The following IQCB1 variants were observed in gnomAD, a reference collection of about 807,000 sequenced individuals.
The protein encoded by IQCB1 is IQ motif containing B1.
IQCB1 carries 56 observed loss-of-function variants against 84.4 expected under a neutral mutation model. That is an observed-to-expected ratio of 0.66 (90% confidence interval 0.54 to 0.83). IQCB1 has a LOEUF of 0.83. Among genes scored for constraint, IQCB1 ranks in the 40% least tolerant of loss-of-function variants. The pLI, the probability that IQCB1 is intolerant of heterozygous loss-of-function variation, is 0.00. For missense variants in IQCB1, 629 were observed against 682.1 expected (o/e 0.92, Z 0.87); for synonymous variants, 210 against 234.8 (o/e 0.89, Z 0.96).
rs758519096 is a variant in IQCB1, at chr3:121,781,881, G to GA, written c.1279-8dup. On this transcript the variant is annotated splice_polypyrimidine_tract_variant and splice_region_variant and intron_variant, in intron 12 of 14. Transcript: ENST00000310864. Reference sequence around the variant, plus strand: ...TCGCTAGGAATTTAAGCGCCTGGAAGAAAAAAAATTGAAGGTTTGTGATTT... The same window carrying GA: ...TCGCTAGGAATTTAAGCGCCTGGAAGAAAAAAAAATTGAAGGTTTGTGATTT... 1.9e-6 allele frequency: 3 copies of GA among 1,609,546 alleles called. No homozygotes were observed. The highest frequency in any genetic ancestry group is 4.5e-5 in the East Asian group (2 of 44,706).
At position 121,810,596 on chromosome 3, in the gene IQCB1, TTAA is replaced by T. The variant is rs1949788199; in HGVS notation, c.394-1590_394-1588del. On this transcript the variant is annotated intron_variant, in intron 5 of 14. Transcript: ENST00000310864. ...ATACATAACATATTAATACATAATT[TTAA>T]TAATATATAAGGAAAAAGAATTATT... Among the ~76,000 whole-genome samples, 3 of 151,618 alleles carry T rather than the reference TTAA, an allele frequency of 2.0e-5. No homozygotes were observed. The South Asian group carries it at 6.2e-4, about 31-fold the overall frequency.
chr3:121,825,241 G>T (rs923458963), intron 5 of IQCB1, among the ~76,000 whole-genome samples: 1 of 151,864 alleles, frequency 6.6e-6, no homozygotes, highest in Non-Finnish European at 1.5e-5. Flanking sequence ...TGCATTTTTA[G>T]TAGAGACAGG....
At chr3:121,820,838 T>C (rs1311131437) in intron 5 of IQCB1, among the ~76,000 whole-genome samples, 1 of 152,034 alleles carries the variant, frequency 6.6e-6, no homozygotes, top group Non-Finnish European at 1.5e-5. Flanking sequence ...TCAAGACACT[T>C]ATTACCTTAG....
chr3:121,832,971 T>C (rs963623906), intron 2 of IQCB1, among the ~76,000 whole-genome samples: 2 of 152,204 alleles, frequency 1.3e-5, no homozygotes, highest in African/African-American at 4.8e-5. Context: ...ACACAGGGTA[T>C]CTTTTTGGAC....
At chr3:121,808,331 G>A (rs1180122648) in intron 6 of IQCB1, among the ~76,000 whole-genome samples, 1 of 151,916 alleles carries the variant, frequency 6.6e-6, no homozygotes, top group Non-Finnish European at 1.5e-5. Flanking sequence ...ATATTCTTAA[G>A]AGTGTTACAT....
At chr3:121,817,310 C>T (rs139524295) in intron 5 of IQCB1, among the ~76,000 whole-genome samples, 2,297 of 151,732 alleles carry the variant, frequency 0.015, 62 homozygotes, top group African/African-American at 0.052. Flanking sequence ...CTAATGCATG[C>T]AGGGCTTAAA....
At chr3:121,823,381 A>G (rs1041956091) in intron 5 of IQCB1, among the ~76,000 whole-genome samples, 6 of 152,326 alleles carry the variant, frequency 3.9e-5, no homozygotes, top group African/African-American at 1.4e-4. Flanking sequence ...GGAAATCTAC[A>G]ACAAGGTTCA....
In IQCB1 at chr3:121,799,342, A is replaced by G. The variant is rs764639627; in HGVS notation, c.620T>C (p.Leu207Pro). ...GDLLRIGRKA[L>P]YSILDEVIFK... is the part of the protein sequence containing the mutation. ...AATAACTTCATCTAAAATTGAATACAGGGCTTTTCTTCCTATTCTGAGTAA... is the reference window on the plus strand; with the variant it reads ...AATAACTTCATCTAAAATTGAATACGGGGCTTTTCTTCCTATTCTGAGTAA... Residue 207 changes from leucine to proline, a missense_variant, in exon 8 of 15, where the codon CTG becomes CCG. Physicochemically the swap from Leu to Pro is moderately conservative, Grantham distance 98. Transcript: ENST00000310864. The G allele has an allele frequency of 6.3e-6, 10 of 1,599,160 alleles. No homozygotes were observed. The highest frequency in any genetic ancestry group is 5.0e-5 in the Admixed American group (3 of 59,496).
intron 1 of IQCB1, among the ~76,000 whole-genome samples, chr3:121,834,682 G>A (rs987572032): frequency 2.6e-5 from 4 of 152,158 alleles, no homozygotes; most frequent in African/African-American, 9.7e-5. Context: ...CAAGTCTAAG[G>A]ACCGAGATTC....
intron 11 of IQCB1, 90 bp downstream of exon 11, chr3:121,789,982 TA>T (rs113287291): frequency 1.1e-4 from 125 of 1,138,692 alleles, no homozygotes; most frequent in Non-Finnish European, 1.4e-4. Context: ...AGTCCAAATT[TA>T]AAAAAAAATC....
At chr3:121,794,817 A>T (rs1029157464) in intron 10 of IQCB1, among the ~76,000 whole-genome samples, 1 of 152,134 alleles carries the variant, frequency 6.6e-6, no homozygotes, top group African/African-American at 2.4e-5. Context: ...GTAAAATGCC[A>T]GTTTCATTTT....
At chr3:121,833,331 G>T (rs1273485274) in intron 2 of IQCB1, among the ~76,000 whole-genome samples, 3 of 152,196 alleles carry the variant, frequency 2.0e-5, no homozygotes, top group Admixed American at 6.5e-5. Flanking sequence ...AATACAGGTT[G>T]AAAGTATGAG....
intron 13 of IQCB1, 26 bp downstream of exon 13, chr3:121,781,717 A>C: frequency 6.2e-7 from 1 of 1,602,902 alleles, no homozygotes; most frequent in Non-Finnish European, 8.5e-7. Flanking sequence ...ATAATGTAAT[A>C]CTGATATGGT....
Position 121,797,225 on chromosome 3 carries a change from G to C in IQCB1, c.769C>G (p.Leu257Val), listed in dbSNP as rs1274130745. ...TCCTGTTTACTTAGTAGACGTCTGA[G>C]TCCTGAAATGGAATAGCAAAAGGTA... Reference protein sequence around the residue: ...LLRQSTCYKGLRRLLSKQETG... With the variant: ...LLRQSTCYKGVRRLLSKQETG... Residue 257 changes from leucine (L) to valine (V), a missense_variant and splice_region_variant, in exon 9 of 15, where the codon CTC (leucine) becomes GTC (valine). Physicochemically the swap from Leu to Val is conservative, Grantham distance 32. Transcript: ENST00000310864. 1 of 1,470,502 alleles carries C rather than the reference G, an allele frequency of 6.8e-7. No individual in the cohort carries two copies. Among genetic ancestry groups the C allele is most frequent in the Non-Finnish European group, 9.5e-7 (1 of 1,051,986 alleles). The allele number at this position is 1,470,502 out of a possible 1,614,324, so 91.1% of individuals were successfully genotyped here.
At chr3:121,785,568 A>T (rs565162747) in intron 12 of IQCB1, among the ~76,000 whole-genome samples, 22 of 152,210 alleles carry the variant, frequency 1.4e-4, no homozygotes, top group Non-Finnish European at 2.8e-4. Context: ...TCATATATGT[A>T]ATTTTAAATT....
chr3:121,830,518 A>G (rs1950602620), intron 2 of IQCB1, among the ~76,000 whole-genome samples: 1 of 152,224 alleles, frequency 6.6e-6, no homozygotes, highest in African/African-American at 2.4e-5. Flanking sequence ...GCTAAGCACT[A>G]TGTTAATATA....
intron 5 of IQCB1, among the ~76,000 whole-genome samples, chr3:121,813,208 T>C (rs982284606): frequency 2.0e-5 from 3 of 152,120 alleles, no homozygotes; most frequent in Non-Finnish European, 4.4e-5. Context: ...AAATCCTTTA[T>C]AGACAAGCAA....
At chr3:121,815,527 C>T (rs532632432) in intron 5 of IQCB1, among the ~76,000 whole-genome samples, 37 of 152,212 alleles carry the variant, frequency 2.4e-4, no homozygotes, top group African/African-American at 8.2e-4. Context: ...CAGCCCAAAA[C>T]CTCCTTAAGC....
intron 5 of IQCB1, among the ~76,000 whole-genome samples, chr3:121,821,371 C>T (rs967030034): frequency 4.6e-5 from 7 of 152,288 alleles, no homozygotes; most frequent in Middle Eastern, 3.4e-3. Context: ...TGTCCATTTC[C>T]GCTGCCTGTA....
Sources: gnomAD v4.1 joint callset for allele counts (sites outside exome capture counted in the v4.1 genomes callset) on GRCh38, gnomAD v4.1.1 for gene constraint, MANE v1.5 for transcripts, NCBI Gene and HGNC (gene_info 2026-07-23, HGNC 2026-07-21) for gene names.